ZNF691: variants seen among roughly 807,000 people sequenced by gnomAD.
The protein encoded by ZNF691 is zinc finger protein 691.
In ZNF691, 11 loss-of-function variants were observed where a neutral mutation model predicts 24.1. That is an observed-to-expected ratio of 0.46 (90% CI 0.29 to 0.75). The LOEUF is 0.75. Ranked by LOEUF, ZNF691 falls within the 30% of genes least tolerant of loss-of-function variation. The pLI, the probability that ZNF691 is intolerant of heterozygous loss-of-function variation, is 0.11. For synonymous variants in ZNF691, 149 were observed against 153.9 expected, an observed-to-expected ratio of 0.97 and a Z score of 0.23; for missense variants, 356 against 409.0, an observed-to-expected ratio of 0.87 and a Z score of 1.12.
Position 42,851,828 on chromosome 1 carries a change from TAGAGTGAGGGAGAG to T in ZNF691, c.*24_*37del. ...ATTCCAGCTGAAGGAGAGCCCCATT[TAGAGTGAGGGAGAG>T]AGAGTGAGAGACCCTAACCTATTGG... On this transcript the variant is annotated 3_prime_UTR_variant, in exon 4 of 4. Coordinates refer to ENST00000651192, the MANE Select transcript of ZNF691 (RefSeq NM_001242739.2). The surrounding 1 kb of genome is among the most constrained non-coding windows in gnomAD (Gnocchi z 4.7). 1 of 1,614,054 alleles carries T rather than the reference TAGAGTGAGGGAGAG, an allele frequency of 6.2e-7. No individual in the cohort carries two copies. Among genetic ancestry groups the T allele is most frequent in the Non-Finnish European group, 8.5e-7 (1 of 1,179,962 alleles).
chr1:42,849,230 A>C lies in ZNF691; in HGVS notation c.-217-61A>C, dbSNP rs147339041. On this transcript the variant is annotated intron_variant, in intron 1 of 3. Coordinates refer to ENST00000651192, the MANE Select transcript of ZNF691 (RefSeq NM_001242739.2). ...TTATATACAGTTTTATGCTATTTTT[A>C]AGTTAAAAGTTTTTTCTTAATGAGA... 4.8e-4 allele frequency: 173 copies of C among 363,170 alleles called. 1 individual carries two copies. The highest frequency in any genetic ancestry group is 3.4e-3 in the African/African-American group (162 of 47,026). 22.5% of individuals were successfully genotyped at this position (363,170 alleles called of 1,614,324 possible).
Position 42,851,745 on chromosome 1 carries a change from C to A in ZNF691, c.880C>A (p.Arg294=), listed in dbSNP as rs547834511. 2 of 1,614,226 alleles carry A rather than the reference C, an allele frequency of 1.2e-6. No homozygotes were observed. Among genetic ancestry groups the A allele is most frequent in the Admixed American group, 1.7e-5 (1 of 60,032 alleles). ...RCTVCGKHFS[R]SSNLIRHQKT... The stretch of plus-strand genomic sequence containing the variant: ...CACTGTGTGTGGGAAACACTTCTCC[C>A]GGAGCTCGAATCTCATCCGCCACCA... Residue 294 remains arginine, a synonymous_variant, in exon 4 of 4, where the codon CGG becomes AGG. Transcript: ENST00000651192. The surrounding 1 kb of genome is among the most constrained non-coding windows in gnomAD (Gnocchi z 4.7).
At position 42,851,330 on chromosome 1, in the gene ZNF691, C is replaced by G; in HGVS notation, c.465C>G (p.Ser155Arg). The G allele has an allele frequency of 2.5e-6, 4 of 1,614,080 alleles. No homozygotes were observed. The highest frequency in any genetic ancestry group is 3.4e-6 in the Non-Finnish European group (4 of 1,180,032). Residue 155 changes from serine (S) to arginine (R), a missense_variant, in exon 4 of 4, where the codon AGC (serine) becomes AGG (arginine). Physicochemically the swap from Ser to Arg is moderately radical, Grantham distance 110 (BLOSUM62 -1). Transcript: ENST00000651192. The surrounding 1 kb of genome is among the most constrained non-coding windows in gnomAD (Gnocchi z 4.7). Reference sequence around the variant, plus strand: ...AATGTGGCAAGAGCTTCTCGAGAAGCTCCAACCGCATCCGGCACGAGCGGA... The same window carrying G: ...AATGTGGCAAGAGCTTCTCGAGAAGGTCCAACCGCATCCGGCACGAGCGGA... Reference protein sequence around the residue: ...CSECGKSFSRSSNRIRHERIH... With the variant: ...CSECGKSFSRRSNRIRHERIH...
intron 2 of ZNF691, 62 bp from the exon 3 acceptor site, chr1:42,849,503 T>C (rs1020650000): frequency 4.2e-6 from 3 of 713,148 alleles, no homozygotes; most frequent in African/African-American, 3.5e-5. Flanking sequence ...TGTGTCACAG[T>C]TGTAATCCAA....
chr1:42,848,975 C>T (rs139494811), intron 1 of ZNF691, among the ~76,000 whole-genome samples: 105 of 152,306 alleles, frequency 6.9e-4, no homozygotes, highest in African/African-American at 2.4e-3. Flanking sequence ...CACAGCTCAC[C>T]TCCTGTTGCT....
chr1:42,850,424 A>G (rs1453807162), intron 3 of ZNF691: 2 of 985,232 alleles, frequency 2.0e-6, no homozygotes, highest in East Asian at 2.3e-4. Flanking sequence ...AGAAATCTCA[A>G]GAAAAGCCAA....
In ZNF691 at chr1:42,851,879, C is replaced by T. The variant is rs1224058808; in HGVS notation, c.*66C>T. On this transcript the variant is annotated 3_prime_UTR_variant, in exon 4 of 4. Coordinates refer to ENST00000651192, the MANE Select transcript of ZNF691 (RefSeq NM_001242739.2). This position sits in a 1 kb window ranked among gnomAD's most constrained non-coding sequence, Gnocchi z 4.7. ...CCCTAACCTATTGGAGGAAGATCTTCAGCATCTTTTGCTGCTACCTTGACC... is the reference window on the plus strand; with the variant it reads ...CCCTAACCTATTGGAGGAAGATCTTTAGCATCTTTTGCTGCTACCTTGACC... 8.8e-6 allele frequency: 14 copies of T among 1,598,774 alleles called. No homozygotes were observed. Among genetic ancestry groups the T allele is most frequent in the Middle Eastern group, 1.6e-4 (1 of 6,072 alleles).
chr1:42,847,775 AG>A (rs1655279572), intron 1 of ZNF691, among the ~76,000 whole-genome samples: 1 of 152,256 alleles, frequency 6.6e-6, no homozygotes, highest in Non-Finnish European at 1.5e-5. Flanking sequence ...CATAGGCCCC[AG>A]TTCTGCCACT....
intron 1 of ZNF691, among the ~76,000 whole-genome samples, chr1:42,848,696 A>G (rs1655302470): frequency 6.6e-6 from 1 of 152,034 alleles, no homozygotes. Context: ...AACAACAAAG[A>G]CACCAGCTCT....
At chr1:42,850,517 C>T (rs1655353710) in intron 3 of ZNF691, 1 of 1,447,480 alleles carries the variant, frequency 6.9e-7, no homozygotes, top group Admixed American at 2.8e-5. Flanking sequence ...TAGGTAGATA[C>T]TTGTAAGGAA....
At position 42,851,195 on chromosome 1, in the gene ZNF691, A is replaced by C; in HGVS notation, c.330A>C (p.Ala110=). The change falls in exon 4 of 4, where the codon GCA becomes GCC. Residue 110 remains alanine, a synonymous_variant. Transcript: ENST00000651192. The surrounding 1 kb of genome is among the most constrained non-coding windows in gnomAD (Gnocchi z 4.7). ...GDPIAHPRHE[A]DEKPFICAQC... ...CCATTGCTCATCCAAGGCATGAGGC[A>C]GATGAGAAGCCCTTTATATGTGCCC... The C allele has an allele frequency of 1.2e-6, 2 of 1,614,244 alleles. No individual in the cohort carries two copies. The highest frequency in any genetic ancestry group is 2.2e-5 in the South Asian group (2 of 91,084).
chr1:42,848,736 A>G (rs1191755729), intron 1 of ZNF691, among the ~76,000 whole-genome samples: 1 of 152,224 alleles, frequency 6.6e-6, no homozygotes, highest in South Asian at 2.1e-4. Flanking sequence ...GGAAGCAGAC[A>G]ATAAATAATA....
At chr1:42,848,938 A>G (rs1557620530) in intron 1 of ZNF691, among the ~76,000 whole-genome samples, 1 of 152,188 alleles carries the variant, frequency 6.6e-6, no homozygotes, top group Non-Finnish European at 1.5e-5. Flanking sequence ...TAAATTCTTC[A>G]AGGAACACTA....
At position 42,851,873 on chromosome 1, in the gene ZNF691, GAT is replaced by G; in HGVS notation, c.*61_*62del. 1 of 1,603,672 alleles carries G rather than the reference GAT, an allele frequency of 6.2e-7. No individual in the cohort carries two copies. The highest frequency in any genetic ancestry group is 8.5e-7 in the Non-Finnish European group (1 of 1,175,754). Reference sequence around the variant, plus strand: ...GAGAGACCCTAACCTATTGGAGGAAGATCTTCAGCATCTTTTGCTGCTACCTT... The same window carrying G: ...GAGAGACCCTAACCTATTGGAGGAAGCTTCAGCATCTTTTGCTGCTACCTT... On this transcript the variant is annotated 3_prime_UTR_variant, in exon 4 of 4. Coordinates refer to ENST00000651192, the MANE Select transcript of ZNF691 (RefSeq NM_001242739.2). The surrounding 1 kb of genome is among the most constrained non-coding windows in gnomAD (Gnocchi z 4.7).
intron 1 of ZNF691, among the ~76,000 whole-genome samples, chr1:42,847,402 C>T (rs2124383478): frequency 6.6e-6 from 1 of 152,306 alleles, no homozygotes; most frequent in Non-Finnish European, 1.5e-5. Context: ...CACTTCTCAG[C>T]CCCTTCCACC....
rs779729893 is a variant in ZNF691, at chr1:42,851,269, G to A, written c.404G>A (p.Arg135Gln). Reference protein sequence around the residue: ...NNTSNLRTHQRIHTGEKPYKC... With the variant: ...NNTSNLRTHQQIHTGEKPYKC... ...ACCTCCAACCTGAGAACACACCAGC[G>A]GATCCACACTGGTGAGAAGCCTTAC... The change falls in exon 4 of 4, where the codon CGG (arginine) becomes CAG (glutamine). Residue 135 changes from arginine to glutamine, a missense_variant. Coordinates refer to ENST00000651192, the MANE Select transcript of ZNF691 (RefSeq NM_001242739.2). The surrounding 1 kb of genome is among the most constrained non-coding windows in gnomAD (Gnocchi z 4.7). The A allele has an allele frequency of 4.7e-5, 76 of 1,613,256 alleles. No individual in the cohort carries two copies. The highest frequency in any genetic ancestry group is 2.7e-4 in the South Asian group (25 of 91,016).
chr1:42,847,545 C>A (rs1049174908), intron 1 of ZNF691, among the ~76,000 whole-genome samples: 4 of 152,176 alleles, frequency 2.6e-5, no homozygotes, highest in Admixed American at 6.5e-5. Flanking sequence ...TAGGTAGTTG[C>A]CTCTTTATCT....
chr1:42,851,381 A>AT lies in ZNF691; in HGVS notation c.517dup (p.Cys173LeufsTer30), dbSNP rs1323098916. The AT allele has an allele frequency of 6.2e-7, 1 of 1,613,964 alleles. No homozygotes were observed. Among genetic ancestry groups the AT allele is most frequent in the Non-Finnish European group, 8.5e-7 (1 of 1,180,020 alleles). On this transcript the variant is annotated frameshift_variant, in exon 4 of 4. Transcript: ENST00000651192. LOFTEE classifies it high-confidence loss of function. The surrounding 1 kb of genome is among the most constrained non-coding windows in gnomAD (Gnocchi z 4.7). ...TCCACCTGGAAGAGAAACACTACAA[A>AT]TGCCCCAAGTGCCAGGAGAGCTTTC...
chr1:42,849,358 C>T lies in ZNF691; in HGVS notation c.-150C>T. ...ATTTGCTGAATGACAGCATGTGTCA[C>T]ACACTCTGCTGAGTATTACAGGCAT... is the stretch of plus-strand genomic sequence containing the variant. On this transcript the variant is annotated 5_prime_UTR_variant, in exon 2 of 4. Transcript: ENST00000651192. 1.9e-6 allele frequency: 1 copy of T among 540,160 alleles called. No individual in the cohort carries two copies. Among genetic ancestry groups the T allele is most frequent in the South Asian group, 1.5e-5 (1 of 65,288 alleles). 33.5% of individuals were successfully genotyped at this position (540,160 alleles called of 1,614,324 possible).
Sources: gnomAD v4.1 joint callset for allele counts (sites outside exome capture counted in the v4.1 genomes callset) on GRCh38, gnomAD v4.1.1 for gene constraint, Gnocchi (gnomAD v3.1) non-coding constraint, MANE v1.5 for transcripts, NCBI Gene and HGNC (gene_info 2026-07-23, HGNC 2026-07-21) for gene names.